Variants in MYOM2 observed in about 807,000 individuals in gnomAD.
MYOM2 encodes the protein myomesin-2.
MYOM2 carries 254 observed loss-of-function variants against 187.6 expected under a neutral mutation model. The observed-to-expected ratio is 1.35, with a 90% confidence interval of 1.22 to 1.50. MYOM2 has a LOEUF of 1.50. MYOM2 is among the 40% of genes most tolerant of loss of function. The probability of loss-of-function intolerance (pLI) is 0.00; values close to 1 mark genes in which losing one functional copy is unlikely to be tolerated. For synonymous variants in MYOM2, 981 were observed against 753.8 expected, an observed-to-expected ratio of 1.30 and a Z score of -4.94; for missense variants, 2,796 against 1,924.0, an observed-to-expected ratio of 1.45 and a Z score of -8.48.
intron 6 of MYOM2, among the ~76,000 whole-genome samples, chr8:2,061,772 A>T (rs1472582000): frequency 6.6e-6 from 1 of 152,228 alleles, no homozygotes; most frequent in African/African-American, 2.4e-5. Flanking sequence ...TTCTCCAGAT[A>T]AATCCGGGTT....
chr8:2,115,015 G>C (rs948342391), intron 25 of MYOM2, among the ~76,000 whole-genome samples: 2 of 151,828 alleles, frequency 1.3e-5, no homozygotes, highest in African/African-American at 4.8e-5. Flanking sequence ...AAATTACACA[G>C]GCTGATTGAT....
At chr8:2,092,665 A>G in intron 16 of MYOM2, 145 bp downstream of exon 16, 1 of 807,880 alleles carries the variant, frequency 1.2e-6, no homozygotes, top group Non-Finnish European at 1.8e-6. Flanking sequence ...AGGGCTGTAT[A>G]ATTTTAAAGT....
intron 9 of MYOM2, among the ~76,000 whole-genome samples, chr8:2,072,900 A>G (rs1178444451): frequency 6.6e-6 from 1 of 152,158 alleles, no homozygotes; most frequent in African/African-American, 2.4e-5. Flanking sequence ...CCATCCAGTC[A>G]TTTTGTTTTT....
rs1798247752 is a variant in MYOM2, at chr8:2,140,798, G to A, written c.3876G>A (p.Glu1292=). 1 of 1,614,122 alleles carries A rather than the reference G, an allele frequency of 6.2e-7. No individual in the cohort carries two copies. Among genetic ancestry groups the A allele is most frequent in the Non-Finnish European group, 8.5e-7 (1 of 1,179,980 alleles). Residue 1292 remains glutamate (E), a synonymous_variant, in exon 33 of 37, where the codon GAG becomes GAA. Coordinates refer to ENST00000262113, the MANE Select transcript of MYOM2 (RefSeq NM_003970.4). The stretch of plus-strand genomic sequence containing the variant: ...AGATGGCTTGGCTGCAGATATGTGA[G>A]CCGACTGAGAAGGATAAAGGAAAAT... The part of the protein sequence containing the change: ...SEEMAWLQIC[E]PTEKDKGKYT...
intron 6 of MYOM2, among the ~76,000 whole-genome samples, chr8:2,063,783 G>A (rs967535754): frequency 1.3e-5 from 2 of 152,242 alleles, no homozygotes; most frequent in African/African-American, 4.8e-5. Flanking sequence ...GACAGAACCA[G>A]CTTCTCCCAG....
chr8:2,125,076 A>G (rs1436587836), intron 31 of MYOM2, among the ~76,000 whole-genome samples: 1 of 152,092 alleles, frequency 6.6e-6, no homozygotes, highest in African/African-American at 2.4e-5. Context: ...ACTGTGCAGA[A>G]GCTTTTTAGT....
intron 11 of MYOM2, among the ~76,000 whole-genome samples, chr8:2,077,171 G>A (rs148725555): frequency 6.6e-6 from 1 of 152,004 alleles, no homozygotes; most frequent in Non-Finnish European, 1.5e-5. Context: ...TTAGCTGGGT[G>A]TGCTGGCATG....
chr8:2,138,803 C>T lies in MYOM2; in HGVS notation c.3801-1920C>T, dbSNP rs143264981. Among the ~76,000 whole-genome samples, 251 of 152,286 alleles carry T rather than the reference C, an allele frequency of 1.6e-3. 3 individuals are homozygous for T. Among genetic ancestry groups the T allele is most frequent in the Admixed American group, 4.1e-3 (62 of 15,296 alleles). On this transcript the variant is annotated intron_variant, in intron 32 of 36. Transcript: ENST00000262113. ...AGTGTTAGATCCTCCCTTCTCTGTCCGGGATCCCAGAGGCTAAGTCTCAGG... is the reference window on the plus strand; with the variant it reads ...AGTGTTAGATCCTCCCTTCTCTGTCTGGGATCCCAGAGGCTAAGTCTCAGG...
chr8:2,080,583 A>G (rs545411005), intron 13 of MYOM2, among the ~76,000 whole-genome samples: 1 of 152,238 alleles, frequency 6.6e-6, no homozygotes. Flanking sequence ...AAGGACACTC[A>G]ATACATAAGG....
intron 34 of MYOM2, among the ~76,000 whole-genome samples, chr8:2,141,660 G>C (rs1307339325): frequency 6.6e-6 from 1 of 152,158 alleles, no homozygotes; most frequent in Non-Finnish European, 1.5e-5. Context: ...CTCAGGGTTG[G>C]AATGTTTTTG....
intron 32 of MYOM2, among the ~76,000 whole-genome samples, chr8:2,139,501 A>G (rs1461555606): frequency 2.0e-5 from 3 of 152,208 alleles, no homozygotes; most frequent in African/African-American, 7.2e-5. Context: ...TAACAGAGAA[A>G]AAGGCTATGA....
chr8:2,048,876 G>C (rs1456853951), intron 1 of MYOM2, among the ~76,000 whole-genome samples: 1 of 151,220 alleles, frequency 6.6e-6, no homozygotes, highest in Non-Finnish European at 1.5e-5. Flanking sequence ...TGCAAGCTCC[G>C]CCTCCCAGGT....
At position 2,086,305 on chromosome 8, in the gene MYOM2, CCCCCACAG is replaced by C. The variant is rs1796043293; in HGVS notation, c.1644+916_1644+923del. Among the ~76,000 whole-genome samples, 33 of 122,454 alleles carry C rather than the reference CCCCCACAG, an allele frequency of 2.7e-4. 13 individuals are homozygous for C. The highest frequency in any genetic ancestry group is 8.4e-4 in the Admixed American group (10 of 11,888). 80.3% of individuals were successfully genotyped at this position (122,454 alleles called of 152,430 possible). A position where few individuals can be genotyped will look rare whatever the true frequency, so the allele number is the denominator to read the frequency against. On this transcript the variant is annotated intron_variant, in intron 14 of 36. Coordinates refer to ENST00000262113, the MANE Select transcript of MYOM2 (RefSeq NM_003970.4). ...CCCACTGTCGTGATCTCCGCGTGGCCCCCCACAGTCGTGATCTCTGCGTGGCCCCCCAC... is the reference window on the plus strand; with the variant it reads ...CCCACTGTCGTGATCTCCGCGTGGCCTCGTGATCTCTGCGTGGCCCCCCAC...
chr8:2,080,260 G>T (rs978664751), intron 13 of MYOM2, among the ~76,000 whole-genome samples: 1 of 152,224 alleles, frequency 6.6e-6, no homozygotes, highest in Non-Finnish European at 1.5e-5. Flanking sequence ...GGAGCCACTG[G>T]CTAGAGAGAG....
chr8:2,068,066 T>G (rs907252779), intron 6 of MYOM2, among the ~76,000 whole-genome samples: 3 of 152,174 alleles, frequency 2.0e-5, no homozygotes, highest in African/African-American at 7.2e-5. Context: ...ATCCCAGGAT[T>G]CTCATCCCAG....
chr8:2,140,968 A>G, intron 33 of MYOM2, 82 bp downstream of exon 33: 2 of 1,419,178 alleles, frequency 1.4e-6, no homozygotes, highest in East Asian at 2.3e-5. Flanking sequence ...TACAATATGA[A>G]TACAAGAGAC....
chr8:2,110,811 C>G (rs920292761), intron 25 of MYOM2, among the ~76,000 whole-genome samples: 2 of 151,432 alleles, frequency 1.3e-5, no homozygotes, highest in African/African-American at 4.9e-5. Flanking sequence ...TTTAGCAGGA[C>G]TCAGTTAGAT....
intron 2 of MYOM2, 26 bp from the exon 3 acceptor site, chr8:2,052,132 T>C (rs777722959): frequency 6.8e-6 from 11 of 1,612,148 alleles, no homozygotes; most frequent in Non-Finnish European, 4.2e-6. Context: ...AGCATGCATC[T>C]CCTAATCGTG....
chr8:2,080,246 G>A (rs547976455), intron 13 of MYOM2, among the ~76,000 whole-genome samples: 2 of 152,370 alleles, frequency 1.3e-5, no homozygotes, highest in Admixed American at 6.5e-5. Flanking sequence ...TTTCAAATCA[G>A]TGTGGAGCCA....
Sources: gnomAD v4.1 joint callset for allele counts (sites outside exome capture counted in the v4.1 genomes callset) on GRCh38, gnomAD v4.1.1 for gene constraint, MANE v1.5 for transcripts, NCBI Gene and HGNC (gene_info 2026-07-23, HGNC 2026-07-21) for gene names.